The following MEGF10 variants were observed in gnomAD, a reference collection of about 807,000 sequenced individuals.
MEGF10 encodes multiple EGF like domains 10, also known as multiple epidermal growth factor-like domains protein 10.
In MEGF10, 86 loss-of-function variants were observed where a neutral mutation model predicts 147.5. That is an observed-to-expected ratio of 0.58 (90% CI 0.49 to 0.70). MEGF10 has a LOEUF of 0.70. Ranked by LOEUF, MEGF10 falls within the 30% of genes least tolerant of loss-of-function variation. The probability of loss-of-function intolerance (pLI) is 0.00; values close to 1 mark genes in which losing one functional copy is unlikely to be tolerated. For missense variants in MEGF10, 1,329 were observed against 1,487.3 expected, an observed-to-expected ratio of 0.89 and a Z score of 1.75; for synonymous variants, 478 against 525.5, an observed-to-expected ratio of 0.91 and a Z score of 1.24.
intron 13 of MEGF10, among the ~76,000 whole-genome samples, chr5:127,427,489 G>A (rs1194010496): frequency 2.6e-5 from 4 of 151,956 alleles, no homozygotes; most frequent in African/African-American, 7.3e-5. Context: ...GAGAGGTTGG[G>A]GGCTCATCTG....
intron 1 of MEGF10, among the ~76,000 whole-genome samples, chr5:127,327,454 T>C (rs1266593449): frequency 6.6e-6 from 1 of 152,136 alleles, no homozygotes; most frequent in Non-Finnish European, 1.5e-5. Context: ...TTGTTTTCAA[T>C]TGAAATAATA....
intron 11 of MEGF10, among the ~76,000 whole-genome samples, chr5:127,419,634 T>G (rs1196630543): frequency 1.3e-5 from 2 of 152,130 alleles, no homozygotes; most frequent in Non-Finnish European, 2.9e-5. Flanking sequence ...CAGTTGCTGG[T>G]TAATGGGGTC....
intron 1 of MEGF10, among the ~76,000 whole-genome samples, chr5:127,304,536 C>T (rs992874496): frequency 6.6e-6 from 1 of 152,184 alleles, no homozygotes; most frequent in African/African-American, 2.4e-5. Context: ...CTCTGTCGCT[C>T]AGGCTGGAGG....
rs1766335391 is a variant in MEGF10 at position 127,455,623 on chromosome 5, C to T, written c.3232+16C>T. The T allele has an allele frequency of 6.2e-6, 10 of 1,610,046 alleles. No individual in the cohort carries two copies. The East Asian group carries it at 2.2e-4, about 36-fold the overall frequency. On this transcript the variant is annotated intron_variant, in intron 24 of 24. Coordinates refer to ENST00000503335, the MANE Select transcript of MEGF10 (RefSeq NM_001256545.2). ...TATGAAGTTGGTGAGTTCCCTTAAC[C>T]ATAGAAAGAACCGAGTGCTTAAGTT... is the stretch of plus-strand genomic sequence containing the variant.
At chr5:127,268,626 G>C in the MEGF10 span, among the ~76,000 whole-genome samples, 1 of 152,238 alleles carries the variant, frequency 6.6e-6, no homozygotes, top group Non-Finnish European at 1.5e-5. Flanking sequence ...GCAACTCAAG[G>C]AGGCCTGCCT....
upstream of MEGF10, among the ~76,000 whole-genome samples, chr5:127,287,214 T>C (rs1295777518): frequency 6.6e-6 from 1 of 151,994 alleles, no homozygotes; most frequent in Non-Finnish European, 1.5e-5. Flanking sequence ...TTGCTTTGGT[T>C]TATGATGAGC....
At chr5:127,364,109 A>C (rs1313879422) in intron 4 of MEGF10, among the ~76,000 whole-genome samples, 1 of 152,220 alleles carries the variant, frequency 6.6e-6, no homozygotes, top group Non-Finnish European at 1.5e-5. Context: ...GTATTGTTAT[A>C]ACAGTTTTGT....
At chr5:127,310,411 GTGA>G (rs956551710) in intron 1 of MEGF10, among the ~76,000 whole-genome samples, 1 of 151,996 alleles carries the variant, frequency 6.6e-6, no homozygotes, top group African/African-American at 2.4e-5. Context: ...TTTTTAAATT[GTGA>G]TGAAGTTCAG....
intron 5 of MEGF10, among the ~76,000 whole-genome samples, chr5:127,370,711 A>G (rs1762814210): frequency 6.6e-6 from 1 of 152,204 alleles, no homozygotes. Flanking sequence ...CATGTAATAC[A>G]GTTGCTTTTC....
At chr5:127,329,647 C>A (rs1761173578) in intron 1 of MEGF10, among the ~76,000 whole-genome samples, 2 of 151,910 alleles carry the variant, frequency 1.3e-5, no homozygotes, top group Non-Finnish European at 2.9e-5. Flanking sequence ...AGTATAACTT[C>A]TTAAAATGCC....
chr5:127,421,846 A>T (rs997334835), intron 12 of MEGF10, among the ~76,000 whole-genome samples: 8 of 150,260 alleles, frequency 5.3e-5, no homozygotes, highest in African/African-American at 1.9e-4. Flanking sequence ...ATAATTTAAA[A>T]TTTTTTTAAA....
chr5:127,398,795 T>G lies in MEGF10; in HGVS notation c.779T>G (p.Met260Arg), dbSNP rs563428792. The G allele has an allele frequency of 1.2e-6, 2 of 1,613,546 alleles. No individual in the cohort carries two copies. Among genetic ancestry groups the G allele is most frequent in the African/African-American group, 1.3e-5 (1 of 75,032 alleles). ...GAATGCTCTTGCCCTTCTGGCTGGA[T>G]GGTAAGCTTCCTTCCCACCTCCTCT... ...TGECSCPSGW[M>R]GTVCGQPCPE... is the part of the protein sequence containing the mutation. Residue 260 changes from methionine (M) to arginine (R), a missense_variant and splice_region_variant, in exon 7 of 25, where the codon ATG becomes AGG. This residue lies in a region of MEGF10 where 980 missense variants were observed against 1,085.9 expected (regional missense o/e 0.90). Transcript: ENST00000503335.
chr5:127,277,337 C>G, the MEGF10 span, among the ~76,000 whole-genome samples: 1 of 152,174 alleles, frequency 6.6e-6, no homozygotes, highest in African/African-American at 2.4e-5. Context: ...GAGTTGGGTG[C>G]TCTTGCCTCA....
chr5:127,343,237 A>C (rs1761751279), intron 4 of MEGF10, among the ~76,000 whole-genome samples: 1 of 152,152 alleles, frequency 6.6e-6, no homozygotes, highest in Admixed American at 6.5e-5. Flanking sequence ...ATTTCAAATT[A>C]ATTCTTGGTA....
intron 13 of MEGF10, chr5:127,424,272 T>C (rs900600642): frequency 1.4e-6 from 1 of 699,442 alleles, no homozygotes; most frequent in African/African-American, 1.8e-5. Context: ...TTTTGATTAT[T>C]GTAGCTTAGG....
chr5:127,371,036 G>A (rs895659040), intron 5 of MEGF10, among the ~76,000 whole-genome samples: 3 of 152,134 alleles, frequency 2.0e-5, no homozygotes, highest in African/African-American at 7.2e-5. Context: ...GAATTGGGGA[G>A]ATTATTCTTT....
chr5:127,277,155 G>A, the MEGF10 span, among the ~76,000 whole-genome samples: 3 of 152,180 alleles, frequency 2.0e-5, no homozygotes, highest in Non-Finnish European at 2.9e-5. Flanking sequence ...TACCATGTGC[G>A]CTTCAGGACC....
intron 9 of MEGF10, among the ~76,000 whole-genome samples, chr5:127,416,390 A>G (rs143672649): frequency 6.6e-6 from 1 of 152,228 alleles, no homozygotes; most frequent in East Asian, 1.9e-4. Flanking sequence ...TGACTGCTCA[A>G]GGATAAGAAA....
intron 21 of MEGF10, 141 bp downstream of exon 21, chr5:127,447,825 C>T (rs1288233582): frequency 7.2e-6 from 8 of 1,112,962 alleles, no homozygotes; most frequent in Non-Finnish European, 9.9e-6. Flanking sequence ...AAACAGTCCT[C>T]TGAGTGTGCT....
Sources: gnomAD v4.1 joint callset for allele counts (sites outside exome capture counted in the v4.1 genomes callset) on GRCh38, gnomAD v4.1.1 for gene constraint, gnomAD v4.1.1 regional missense constraint, MANE v1.5 for transcripts, NCBI Gene and HGNC (gene_info 2026-07-23, HGNC 2026-07-21) for gene names.